PIGA: variants seen among roughly 807,000 people sequenced by gnomAD.
The protein encoded by PIGA is phosphatidylinositol glycan anchor biosynthesis class A, also known as phosphatidylinositol N-acetylglucosaminyltransferase subunit A.
PIGA carries 3 observed loss-of-function variants against 17.1 expected under a neutral mutation model. The observed-to-expected ratio is 0.18, with a 90% CI of 0.08 to 0.45. The LOEUF is 0.45. Ranked by LOEUF, PIGA falls within the 20% of genes least tolerant of loss-of-function variation. The pLI, the probability that PIGA is intolerant of heterozygous loss-of-function variation, is 0.99. For synonymous variants in PIGA, 126 were observed against 135.1 expected (o/e 0.93, Z 0.47); for missense variants, 231 against 374.1 (o/e 0.62, Z 3.16).
At chrX:15,322,508 T>C (rs1602207099) in intron 5 of PIGA, among the ~76,000 whole-genome samples, 1 of 112,255 alleles carries the variant, frequency 8.9e-6, no homozygotes, top group African/African-American at 3.2e-5. Context: ...CTCTAAAATA[T>C]CAAAAAACGA....
rs1486118946 is a variant in PIGA at position 15,331,628 on chromosome X, A to G, written c.303T>C (p.Ser101=). ...YLPLKVMYNQ[S]TATTLFHSLP... is the part of the protein sequence containing the mutation. ...GACTGTGAAAGAGGGTCGTGGCTGT[A>G]GACTGGTTGTACATGACTTTCAGAG... The change falls in exon 2 of 6, where the codon TCT becomes TCC. Residue 101 remains serine (S), a synonymous_variant. Coordinates refer to ENST00000333590, the MANE Select transcript of PIGA (RefSeq NM_002641.4). The G allele has an allele frequency of 8.3e-7, 1 of 1,211,983 alleles. No individual in the cohort carries two copies. Among genetic ancestry groups the G allele is most frequent in the South Asian group, 1.8e-5 (1 of 57,025 alleles).
intron 5 of PIGA, among the ~76,000 whole-genome samples, chrX:15,321,977 G>A (rs1014144970): frequency 5.4e-5 from 6 of 111,525 alleles, no homozygotes; most frequent in African/African-American, 2.0e-4. Flanking sequence ...AAACTTATTG[G>A]GTACTTATTC....
intron 5 of PIGA, among the ~76,000 whole-genome samples, chrX:15,323,925 A>G (rs1921893344): frequency 1.8e-5 from 2 of 112,111 alleles, no homozygotes; most frequent in Admixed American, 1.9e-4. Flanking sequence ...AGCTTGTTAC[A>G]TGGTAATAAG....
chrX:15,332,953 C>A (rs73447255), intron 1 of PIGA, among the ~76,000 whole-genome samples: 2,676 of 111,952 alleles, frequency 0.024, 79 homozygotes, highest in African/African-American at 0.081. Flanking sequence ...TATCATGAAA[C>A]ATACCAAAAT....
chrX:15,321,809 C>T (rs1427648458), intron 5 of PIGA, 37 bp from the exon 6 acceptor site: 2 of 1,118,625 alleles, frequency 1.8e-6, no homozygotes, highest in Admixed American at 2.3e-5. Context: ...CACTTTCACC[C>T]ATCACCCCAT....
At chrX:15,331,077 G>C (rs1386788446) in intron 2 of PIGA, 139 bp downstream of exon 2, 1 of 451,725 alleles carries the variant, frequency 2.2e-6, no homozygotes, top group African/African-American at 2.5e-5. Context: ...ACCAATATTA[G>C]AACTTTCTTT....
At chrX:15,325,865 G>A in intron 3 of PIGA, 49 bp downstream of exon 3, 1 of 1,091,535 alleles carries the variant, frequency 9.2e-7, no homozygotes, top group East Asian at 3.1e-5. Flanking sequence ...AAACCAAATA[G>A]AGATAATTGA....
chrX:15,332,567 A>C (rs1309204475), intron 1 of PIGA, among the ~76,000 whole-genome samples: 1 of 112,462 alleles, frequency 8.9e-6, no homozygotes, highest in Non-Finnish European at 1.9e-5. Context: ...CTGATTCATT[A>C]GCGGTCATGT....
chrX:15,325,619 T>A (rs887567959), intron 3 of PIGA: 2 of 191,484 alleles, frequency 1.0e-5, no homozygotes, highest in Admixed American at 7.4e-5. Flanking sequence ...CAGTATGGCC[T>A]GGAAATCTGC....
At chrX:15,330,280 T>C (rs961373027) in intron 2 of PIGA, among the ~76,000 whole-genome samples, 1 of 111,811 alleles carries the variant, frequency 8.9e-6, no homozygotes, top group African/African-American at 3.3e-5. Flanking sequence ...CATCATCTGA[T>C]CCCAGGACAT....
rs1398314077 is a variant in PIGA at position 15,320,542 on chromosome X, T to TAA, written c.*963_*964insTT. ...TACATTAAAAGGACAGGGTAGCAGC[T>TAA]GGTTTTGGGATGGCACACCTCGTAC... On this transcript the variant is annotated 3_prime_UTR_variant, in exon 6 of 6. Coordinates refer to ENST00000333590, the MANE Select transcript of PIGA (RefSeq NM_002641.4). The TAA allele has an allele frequency of 8.9e-6, 1 of 112,292 alleles. No homozygotes were observed. Among genetic ancestry groups the TAA allele is most frequent in the African/African-American group, 3.2e-5 (1 of 30,858 alleles). 9.3% of individuals were successfully genotyped at this position (112,292 alleles called of 1,213,427 possible).
chrX:15,325,810 A>G (rs1921953858), intron 3 of PIGA, 104 bp downstream of exon 3: 5 of 584,473 alleles, frequency 8.6e-6, no homozygotes, highest in South Asian at 4.6e-5. Flanking sequence ...ATGTATATCA[A>G]TTACATGCAG....
intron 5 of PIGA, among the ~76,000 whole-genome samples, chrX:15,323,886 C>T (rs765490900): frequency 7.2e-5 from 8 of 111,841 alleles, no homozygotes; most frequent in Non-Finnish European, 1.5e-4. Flanking sequence ...ACAATTTCTA[C>T]ATACTAAGAA....
At position 15,321,751 on chromosome X, in the gene PIGA, C is replaced by T. The variant is rs1313883658; in HGVS notation, c.1210G>A (p.Glu404Lys). The T allele has an allele frequency of 8.3e-7, 1 of 1,210,507 alleles. No homozygotes were observed. The highest frequency in any genetic ancestry group is 2.2e-5 in the Admixed American group (1 of 46,001). ...CGTTTGTCCATTGGCAACACAGCTTCCACTGATACCCGGTCATATACCTGG... is the reference window on the plus strand; with the variant it reads ...CGTTTGTCCATTGGCAACACAGCTTTCACTGATACCCGGTCATATACCTGG... The part of the protein sequence containing the change: ...TEKVYDRVSV[E>K]AVLPMDKRLD... Residue 404 changes from glutamate (E) to lysine (K), a missense_variant, in exon 6 of 6, where the codon GAA becomes AAA. Glu to Lys is a moderately conservative substitution (Grantham distance 56, BLOSUM62 1). Coordinates refer to ENST00000333590, the MANE Select transcript of PIGA (RefSeq NM_002641.4).
chrX:15,321,716 T>C lies in PIGA; in HGVS notation c.1245A>G (p.Arg415=). 1.7e-6 allele frequency: 2 copies of C among 1,209,313 alleles called. No individual in the cohort carries two copies. The highest frequency in any genetic ancestry group is 3.5e-5 in the African/African-American group (2 of 57,712). The part of the protein sequence containing the change: ...AVLPMDKRLD[R]LISHCGPVTG... ...TTACTGGGCCGCAGTGAGAAATAAGTCTGTCCAGTCGTTTGTCCATTGGCA... is the reference window on the plus strand; with the variant it reads ...TTACTGGGCCGCAGTGAGAAATAAGCCTGTCCAGTCGTTTGTCCATTGGCA... The change falls in exon 6 of 6, where the codon AGA becomes AGG. Residue 415 remains arginine (R), a synonymous_variant. Coordinates refer to ENST00000333590, the MANE Select transcript of PIGA (RefSeq NM_002641.4).
Position 15,324,800 on chromosome X carries a change from T to C in PIGA, c.1053A>G (p.Ser351=). 1 of 1,209,861 alleles carries C rather than the reference T, an allele frequency of 8.3e-7. No homozygotes were observed. The highest frequency in any genetic ancestry group is 1.1e-6 in the Non-Finnish European group (1 of 893,801). Residue 351 remains serine, a synonymous_variant, in exon 5 of 6, where the codon TCA becomes TCG. Transcript: ENST00000333590. ...CCAATCCTTCACACAAAGATTTTAC[T>C]GAAGGCTCACATAAAATAATAAGGT... The part of the protein sequence containing the change: ...PENLIILCEP[S]VKSLCEGLEK...
At position 15,331,679 on chromosome X, in the gene PIGA, G is replaced by A; in HGVS notation, c.252C>T (p.Thr84=). 8.3e-7 allele frequency: 1 copy of A among 1,211,682 alleles called. No individual in the cohort carries two copies. The highest frequency in any genetic ancestry group is 1.1e-6 in the Non-Finnish European group (1 of 895,177). ...YGNRKGIRYL[T]SGLKVYYLPL... ...GCAAGTAATAGACTTTGAGGCCACT[G>A]GTGAGGTAACGGATGCCTTTTCGAT... The change falls in exon 2 of 6, where the codon ACC becomes ACT. Residue 84 remains threonine, a synonymous_variant. Transcript: ENST00000333590.
chrX:15,333,909 G>C (rs1922245476), intron 1 of PIGA, among the ~76,000 whole-genome samples: 1 of 111,165 alleles, frequency 9.0e-6, no homozygotes, highest in Admixed American at 9.6e-5. Flanking sequence ...TTATCTCAGG[G>C]GTCCCCTAAA....
intron 1 of PIGA, among the ~76,000 whole-genome samples, 165 bp from the exon 2 acceptor site, chrX:15,332,157 C>T (rs1922186644): frequency 8.9e-6 from 1 of 112,421 alleles, no homozygotes; most frequent in Non-Finnish European, 1.9e-5. Flanking sequence ...ACTTGCTTGG[C>T]ATTTACATAC....
Sources: allele counts gnomAD v4.1 joint callset (sites outside exome capture counted in the v4.1 genomes callset), GRCh38; gene constraint gnomAD v4.1.1; transcripts MANE v1.5; gene names NCBI Gene and HGNC (gene_info 2026-07-23, HGNC 2026-07-21).